NEO1: variants seen among roughly 807,000 people sequenced by gnomAD.
NEO1 encodes neogenin 1.
A neutral mutation model predicts 159.7 loss-of-function variants in NEO1; 63 were observed. The ratio of observed to expected loss-of-function variants is 0.39; its 90% CI spans 0.32 to 0.49. NEO1 has a LOEUF of 0.49. NEO1 is among the 20% of genes least tolerant of loss of function. The pLI is 0.85. For missense variants in NEO1, 1,615 were observed against 1,831.0 expected (o/e 0.88, Z 2.15); for synonymous variants, 633 against 662.0 (o/e 0.96, Z 0.67).
intron 15 of NEO1, among the ~76,000 whole-genome samples, chr15:73,260,895 T>A (rs777537671): frequency 2.6e-5 from 4 of 152,188 alleles, no homozygotes; most frequent in Non-Finnish European, 5.9e-5. Context: ...ATACTTTGAG[T>A]CTTTATAAAC....
chr15:73,087,063 C>T (rs150895771), intron 1 of NEO1, among the ~76,000 whole-genome samples: 3 of 152,272 alleles, frequency 2.0e-5, no homozygotes, highest in African/African-American at 7.2e-5. Context: ...TGAATGTGGA[C>T]ATCTTTGCCT....
intron 26 of NEO1, among the ~76,000 whole-genome samples, chr15:73,296,671 C>T (rs770152599): frequency 6.6e-6 from 1 of 152,182 alleles, no homozygotes; most frequent in Non-Finnish European, 1.5e-5. Context: ...GACCCTCCCC[C>T]TCCCCCCGCA....
At chr15:73,233,691 C>CT (rs1275170407) in intron 7 of NEO1, among the ~76,000 whole-genome samples, 10 of 152,210 alleles carry the variant, frequency 6.6e-5, no homozygotes, top group Middle Eastern at 3.4e-3. Context: ...AGTAGGGTAA[C>CT]TGAGTTTTCC....
At chr15:73,187,446 A>G (rs939180602) in intron 7 of NEO1, among the ~76,000 whole-genome samples, 5 of 152,180 alleles carry the variant, frequency 3.3e-5, no homozygotes, top group Non-Finnish European at 5.9e-5. Context: ...AGTGAAACAG[A>G]CATCCACTGA....
intron 1 of NEO1, among the ~76,000 whole-genome samples, chr15:73,053,181 C>T (rs185484060): frequency 2.0e-5 from 3 of 152,262 alleles, no homozygotes; most frequent in Admixed American, 6.5e-5. Flanking sequence ...AATAAACAAT[C>T]AGACGGCCAA....
intron 18 of NEO1, 56 bp from the exon 19 acceptor site, chr15:73,272,399 A>G (rs1323775947): frequency 1.5e-6 from 2 of 1,345,608 alleles, no homozygotes. Flanking sequence ...AGGTTGAAGA[A>G]ATAGTGAACT....
chr15:73,205,509 C>G (rs1279779543), intron 7 of NEO1, among the ~76,000 whole-genome samples: 1 of 152,218 alleles, frequency 6.6e-6, no homozygotes, highest in Non-Finnish European at 1.5e-5. Flanking sequence ...TGATGACAAC[C>G]TGGTAAAATT....
chr15:73,165,324 C>T (rs1457917344), intron 5 of NEO1, among the ~76,000 whole-genome samples: 1 of 152,064 alleles, frequency 6.6e-6, no homozygotes, highest in Admixed American at 6.5e-5. Context: ...TTTATGTTTT[C>T]TGTGTTCTGT....
intron 1 of NEO1, among the ~76,000 whole-genome samples, chr15:73,078,926 A>G (rs2068906444): frequency 6.6e-6 from 1 of 152,266 alleles, no homozygotes; most frequent in Non-Finnish European, 1.5e-5. Flanking sequence ...ATTTGAACTC[A>G]GGCCAGGCTC....
At chr15:73,130,308 G>GCCCCCCCCCCCCCCCCCCCCC (rs71281951) in intron 4 of NEO1, among the ~76,000 whole-genome samples, 1 of 146,052 alleles carries the variant, frequency 6.8e-6, no homozygotes. Context: ...TCAGTTTCCC[G>GCCCCCCCCCCCCCCCCCCCCC]CCCCCCCCGC....
chr15:73,253,092 G>T (rs908194721), intron 11 of NEO1, among the ~76,000 whole-genome samples: 10 of 152,186 alleles, frequency 6.6e-5, no homozygotes, highest in Admixed American at 6.5e-4. Context: ...AAAGTTGAGA[G>T]TCTTTAGAAG....
intron 1 of NEO1, among the ~76,000 whole-genome samples, chr15:73,062,852 C>T (rs2151260290): frequency 6.6e-6 from 1 of 152,218 alleles, no homozygotes; most frequent in South Asian, 2.1e-4. Context: ...AAAAGGGTTG[C>T]AGAATTAGGG....
chr15:73,214,435 A>G (rs2037762144), intron 7 of NEO1, among the ~76,000 whole-genome samples: 1 of 152,058 alleles, frequency 6.6e-6, no homozygotes, highest in Non-Finnish European at 1.5e-5. Context: ...ATCCATTTTG[A>G]GTTGATTTTC....
At chr15:73,141,020 A>T (rs1279129864) in intron 5 of NEO1, among the ~76,000 whole-genome samples, 1 of 152,158 alleles carries the variant, frequency 6.6e-6, no homozygotes, top group East Asian at 1.9e-4. Context: ...CAGTTTCTTA[A>T]TCTGGGTGGT....
intron 1 of NEO1, among the ~76,000 whole-genome samples, chr15:73,069,673 CG>C (rs1236250281): frequency 6.6e-6 from 1 of 151,534 alleles, no homozygotes; most frequent in Non-Finnish European, 1.5e-5. Context: ...TATACACATA[CG>C]TATATATATA....
chr15:73,296,745 G>A (rs472681), intron 26 of NEO1, among the ~76,000 whole-genome samples: 60,544 of 151,880 alleles, frequency 0.4, 12,146 homozygotes, highest in East Asian at 0.54. Context: ...TCTGATAACC[G>A]AGACAGCTAC....
intron 7 of NEO1, among the ~76,000 whole-genome samples, chr15:73,214,750 A>G (rs1018920399): frequency 2.6e-5 from 4 of 152,116 alleles, no homozygotes; most frequent in East Asian, 1.9e-4. Context: ...TGCTTTGGCT[A>G]TGTGGGCTTT....
rs1287871780 is a variant in NEO1 at position 73,244,443 on chromosome 15, T to C, written c.1551T>C (p.Asn517=). Residue 517 remains asparagine, a synonymous_variant, in exon 9 of 29, where the codon AAT becomes AAC. Coordinates refer to ENST00000261908, the MANE Select transcript of NEO1 (RefSeq NM_002499.4). ...TVYIFRVMAQ[N]KHGSGESSAP... is the part of the protein sequence containing the mutation. ...ACATCTTTAGAGTTATGGCTCAAAA[T>C]AAGCATGGCTCAGGAGAGAGTTCAG... 1 of 1,613,800 alleles carries C rather than the reference T, an allele frequency of 6.2e-7. No homozygotes were observed. Among genetic ancestry groups the C allele is most frequent in the Admixed American group, 1.7e-5 (1 of 59,994 alleles).
At chr15:73,254,859 A>G (rs749345614) in intron 13 of NEO1, 30 bp downstream of exon 13, 2 of 1,599,030 alleles carry the variant, frequency 1.3e-6, no homozygotes, top group South Asian at 1.1e-5. Context: ...GGCAAAAGGT[A>G]CACTGTGTCT....
Sources: gnomAD v4.1 joint callset for allele counts (sites outside exome capture counted in the v4.1 genomes callset) on GRCh38, gnomAD v4.1.1 for gene constraint, MANE v1.5 for transcripts, NCBI Gene and HGNC (gene_info 2026-07-23, HGNC 2026-07-21) for gene names.